Variants in BABAM2 observed in about 807,000 individuals in gnomAD.
BABAM2 encodes the protein BRISC and BRCA1-A complex member 2.
In BABAM2, 31 loss-of-function variants were observed where a neutral mutation model predicts 54.7. That is an observed-to-expected ratio of 0.57 (90% CI 0.43 to 0.77). The LOEUF (loss-of-function observed/expected upper bound fraction) is 0.77. BABAM2 is among the 30% of genes least tolerant of loss of function. BABAM2 has a pLI of 0.00. For missense variants in BABAM2, 364 were observed against 455.8 expected (o/e 0.80, Z 1.83); for synonymous variants, 167 against 162.9 (o/e 1.03, Z -0.19).
chr2:28,143,136 G>A (rs1379501006), intron 7 of BABAM2, among the ~76,000 whole-genome samples: 1 of 138,664 alleles, frequency 7.2e-6, no homozygotes, highest in Non-Finnish European at 1.6e-5. Context: ...CAGATTATTG[G>A]ATAAAGAAAT....
At chr2:28,167,945 T>C (rs1673891932) in intron 7 of BABAM2, among the ~76,000 whole-genome samples, 1 of 152,198 alleles carries the variant, frequency 6.6e-6, no homozygotes, top group African/African-American at 2.4e-5. Context: ...TCACTACTGA[T>C]GAAGAAACAG....
chr2:27,895,424 A>G (rs1362641792), intron 2 of BABAM2, among the ~76,000 whole-genome samples: 4 of 152,138 alleles, frequency 2.6e-5, no homozygotes, highest in African/African-American at 9.7e-5. Flanking sequence ...GTGCATCCAC[A>G]TGGGTTTGTC....
intron 4 of BABAM2, among the ~76,000 whole-genome samples, chr2:28,003,949 T>C (rs1673759909): frequency 6.6e-6 from 1 of 152,142 alleles, no homozygotes; most frequent in African/African-American, 2.4e-5. Context: ...CAGTTTGTTT[T>C]GATTTTTGTA....
intron 7 of BABAM2, among the ~76,000 whole-genome samples, chr2:28,130,180 T>C (rs1196223234): frequency 3.9e-5 from 6 of 152,204 alleles, no homozygotes; most frequent in Non-Finnish European, 8.8e-5. Context: ...CTGTGAGTCA[T>C]TTAGTTACAG....
At chr2:28,279,757 C>T (rs1686198379) in intron 10 of BABAM2, among the ~76,000 whole-genome samples, 1 of 151,354 alleles carries the variant, frequency 6.6e-6, no homozygotes, top group Non-Finnish European at 1.5e-5. Flanking sequence ...CCTCTGCCTC[C>T]TGGATTCAAG....
intron 3 of BABAM2, among the ~76,000 whole-genome samples, chr2:27,975,807 CAG>C (rs1417057175): frequency 1.3e-5 from 2 of 151,930 alleles, no homozygotes; most frequent in Non-Finnish European, 2.9e-5. Flanking sequence ...ATGTATCTAA[CAG>C]AGAACAAATT....
intron 3 of BABAM2, among the ~76,000 whole-genome samples, chr2:27,942,631 G>A (rs1347598207): frequency 6.6e-6 from 1 of 151,374 alleles, no homozygotes; most frequent in Non-Finnish European, 1.5e-5. Context: ...GCCTCCTGAA[G>A]TGCTGGGATT....
At chr2:27,910,228 C>T (rs1666481168) in intron 2 of BABAM2, among the ~76,000 whole-genome samples, 1 of 152,120 alleles carries the variant, frequency 6.6e-6, no homozygotes, top group African/African-American at 2.4e-5. Context: ...GGACCTGGCA[C>T]AATAAGTATA....
At chr2:27,963,716 GTTA>G (rs1670644399) in intron 3 of BABAM2, among the ~76,000 whole-genome samples, 1 of 152,016 alleles carries the variant, frequency 6.6e-6, no homozygotes, top group Admixed American at 6.6e-5. Flanking sequence ...TGTTTCATAT[GTTA>G]TTATACCAAA....
chr2:28,109,051 T>G (rs1667763252), intron 6 of BABAM2, among the ~76,000 whole-genome samples: 1 of 152,182 alleles, frequency 6.6e-6, no homozygotes, highest in African/African-American at 2.4e-5. Context: ...AAATGAATCT[T>G]TCTCCTGCAA....
chr2:28,222,243 G>A (rs1324742456), intron 7 of BABAM2, among the ~76,000 whole-genome samples: 2 of 152,148 alleles, frequency 1.3e-5, no homozygotes, highest in Non-Finnish European at 2.9e-5. Flanking sequence ...TGAGAGTTAA[G>A]AGTGTCTTGA....
intron 6 of BABAM2, among the ~76,000 whole-genome samples, chr2:28,053,259 T>G (rs970648309): frequency 2.6e-5 from 4 of 152,176 alleles, no homozygotes; most frequent in African/African-American, 9.7e-5. Flanking sequence ...TTTTTTGAAA[T>G]CAGTAAAGTC....
At chr2:28,289,316 A>G (rs1039151225) in intron 10 of BABAM2, among the ~76,000 whole-genome samples, 1 of 152,202 alleles carries the variant, frequency 6.6e-6, no homozygotes, top group South Asian at 2.1e-4. Flanking sequence ...TATAAATGGA[A>G]TCATACTGAT....
chr2:27,941,336 G>C (rs563871821), intron 3 of BABAM2, among the ~76,000 whole-genome samples: 1 of 152,052 alleles, frequency 6.6e-6, no homozygotes, highest in Admixed American at 6.6e-5. Context: ...AGGTCGAGGC[G>C]GGCAGATCAC....
At chr2:28,154,724 A>G (rs1324759910) in intron 7 of BABAM2, among the ~76,000 whole-genome samples, 1 of 152,214 alleles carries the variant, frequency 6.6e-6, no homozygotes, top group African/African-American at 2.4e-5. Context: ...TAAAAATCAT[A>G]TAATCAGGTC....
At chr2:28,266,061 T>C (rs768835906) in intron 10 of BABAM2, among the ~76,000 whole-genome samples, 5 of 152,108 alleles carry the variant, frequency 3.3e-5, no homozygotes, top group Non-Finnish European at 7.4e-5. Context: ...CTTGGCCCAC[T>C]GCAACCTCCA....
intron 7 of BABAM2, among the ~76,000 whole-genome samples, chr2:28,233,840 G>T (rs1019676558): frequency 1.3e-5 from 2 of 152,182 alleles, no homozygotes; most frequent in African/African-American, 4.8e-5. Context: ...TGGTGGTTGG[G>T]GTGGGAGAGT....
intron 6 of BABAM2, among the ~76,000 whole-genome samples, chr2:28,071,948 C>T (rs1234830872): frequency 6.6e-6 from 1 of 152,164 alleles, no homozygotes; most frequent in Admixed American, 6.5e-5. Flanking sequence ...ATCTGCTGTG[C>T]CAAGATGTTT....
chr2:27,940,799 G>C (rs920469474), intron 3 of BABAM2, among the ~76,000 whole-genome samples: 1 of 152,180 alleles, frequency 6.6e-6, no homozygotes, highest in Non-Finnish European at 1.5e-5. Context: ...AGGACAGCCA[G>C]GTTCTCAGGG....
Sources: allele counts gnomAD v4.1 joint callset (sites outside exome capture counted in the v4.1 genomes callset), GRCh38; gene constraint gnomAD v4.1.1; transcripts MANE v1.5; gene names NCBI Gene and HGNC (gene_info 2026-07-23, HGNC 2026-07-21).